MYOM1: variants seen among roughly 807,000 people sequenced by gnomAD.
MYOM1 encodes the protein myomesin 1, also known as myomesin-1.
MYOM1 carries 164 observed loss-of-function variants against 205.3 expected under a neutral mutation model. That is an observed-to-expected ratio of 0.80 (90% CI 0.70 to 0.91). The LOEUF is 0.91. Among genes scored for constraint, MYOM1 ranks in the 40% least tolerant of loss-of-function variants. The probability of loss-of-function intolerance (pLI) is 0.00; values close to 1 mark genes in which losing one functional copy is unlikely to be tolerated. For synonymous variants in MYOM1, 772 were observed against 789.4 expected (o/e 0.98, Z 0.37); for missense variants, 2,011 against 2,127.3 (o/e 0.95, Z 1.08).
chr18:3,162,448 G>T (rs927552970), intron 10 of MYOM1, among the ~76,000 whole-genome samples: 1 of 152,098 alleles, frequency 6.6e-6, no homozygotes, highest in Non-Finnish European at 1.5e-5. Flanking sequence ...CCAATAAAGG[G>T]CTTGGTCTAG....
At chr18:3,237,871 G>T in the MYOM1 span, among the ~76,000 whole-genome samples, 1 of 152,084 alleles carries the variant, frequency 6.6e-6, no homozygotes, top group Non-Finnish European at 1.5e-5. Context: ...GCTGGATGGT[G>T]GTGATGCATA....
chr18:3,087,189 C>T (rs531205957), intron 29 of MYOM1, among the ~76,000 whole-genome samples: 10 of 152,148 alleles, frequency 6.6e-5, no homozygotes, highest in Non-Finnish European at 1.3e-4. Context: ...AAATGCACTC[C>T]GCAGCTTTGG....
chr18:3,169,382 T>C (rs1219142623), intron 8 of MYOM1, among the ~76,000 whole-genome samples: 2 of 152,306 alleles, frequency 1.3e-5, no homozygotes, highest in East Asian at 1.9e-4. Flanking sequence ...GCCATATCCA[T>C]TATTCATAAA....
At chr18:3,178,209 C>G (rs2080677208) in intron 5 of MYOM1, among the ~76,000 whole-genome samples, 1 of 152,228 alleles carries the variant, frequency 6.6e-6, no homozygotes, top group Admixed American at 6.5e-5. Flanking sequence ...AGAGAATTGA[C>G]TATGAGCCAG....
chr18:3,129,685 T>C, intron 17 of MYOM1, 166 bp from the exon 18 acceptor site: 2 of 624,104 alleles, frequency 3.2e-6, no homozygotes, highest in Non-Finnish European at 5.2e-6. Context: ...AAGACTACAT[T>C]TCACACAATA....
At chr18:3,159,821 G>C (rs955034254) in intron 10 of MYOM1, among the ~76,000 whole-genome samples, 1 of 152,258 alleles carries the variant, frequency 6.6e-6, no homozygotes, top group East Asian at 1.9e-4. Flanking sequence ...CTGGTTATGG[G>C]AGAGGGAAAT....
chr18:3,137,062 T>G (rs1005753324), intron 14 of MYOM1, among the ~76,000 whole-genome samples: 1 of 151,876 alleles, frequency 6.6e-6, no homozygotes, highest in South Asian at 2.1e-4. Context: ...GCCATTCTCC[T>G]GCCTCAGCCT....
chr18:3,102,376 C>T, intron 23 of MYOM1, 98 bp downstream of exon 23: 1 of 1,163,240 alleles, frequency 8.6e-7, no homozygotes, highest in Non-Finnish European at 1.2e-6. Context: ...TAAGTGACTT[C>T]ATCCTCTTAT....
rs2079195479 is a variant in MYOM1 at position 3,089,590 on chromosome 18, T to C, written c.4016A>G (p.Lys1339Arg). The change falls in exon 28 of 38, where the codon AAA becomes AGA. Residue 1339 changes from lysine to arginine, a missense_variant. Coordinates refer to ENST00000356443, the MANE Select transcript of MYOM1 (RefSeq NM_003803.4). ...GAATTCAGCTTCTTTCTGGAGCTTT[T>C]TGAAAACTACAAATTGAAAAACAAG... The part of the protein sequence containing the change: ...STVVLVGDVF[K>R]KLQKEAEFQR... The C allele has an allele frequency of 1.9e-6, 3 of 1,606,712 alleles. No individual in the cohort carries two copies. The highest frequency in any genetic ancestry group is 2.6e-6 in the Non-Finnish European group (3 of 1,176,412).
rs200664053 is a variant in MYOM1 at position 3,156,609 on chromosome 18, T to TTTC, written c.1502-1522_1502-1521insGAA. 7.3e-3 allele frequency among the ~76,000 whole-genome samples: 977 copies of TTTC among 133,946 alleles called. 9 individuals carry two copies. The highest frequency in any genetic ancestry group is 0.028 in the African/African-American group (917 of 32,944). The allele number at this position is 133,946 out of a possible 152,430, so 87.9% of individuals were successfully genotyped here. On this transcript the variant is annotated intron_variant, in intron 10 of 37. Transcript: ENST00000356443. The stretch of plus-strand genomic sequence containing the variant: ...ATTTTGATGAGGAGACACTTCTTTC[T>TTTC]TTTTTTTTTTTTTTGAGACAGAGTC...
intron 2 of MYOM1, among the ~76,000 whole-genome samples, chr18:3,196,514 G>GT (rs1454911477): frequency 6.6e-6 from 1 of 152,150 alleles, no homozygotes; most frequent in Non-Finnish European, 1.5e-5. Flanking sequence ...TACATGTAGT[G>GT]TTTTTTAATG....
chr18:3,239,936 T>A, the MYOM1 span, among the ~76,000 whole-genome samples: 59 of 152,078 alleles, frequency 3.9e-4, no homozygotes, highest in Admixed American at 1.8e-3. Context: ...TTAGTCAGAG[T>A]AGTAAATTTC....
In MYOM1 at chr18:3,149,142, T is replaced by G. The variant is rs77613865; in HGVS notation, c.1900+3A>C. The G allele has an allele frequency of 2.1e-3, 3,322 of 1,613,738 alleles. 51 individuals are homozygous for G. The highest frequency in any genetic ancestry group is 0.018 in the South Asian group (1,620 of 90,988). ...TAGTATCTGGGGCAACCAGACTTCT[T>G]ACCTGAAGGTTCCTCTTCAGTAACA... On this transcript the variant is annotated splice_donor_region_variant and intron_variant, in intron 13 of 37. Transcript: ENST00000356443.
the MYOM1 span, among the ~76,000 whole-genome samples, chr18:3,242,478 CT>C: frequency 6.6e-6 from 1 of 152,176 alleles, no homozygotes; most frequent in Admixed American, 6.5e-5. Context: ...CATTAAACCT[CT>C]TTCTTTTGTA....
At chr18:3,243,284 T>G in the MYOM1 span, among the ~76,000 whole-genome samples, 1 of 152,244 alleles carries the variant, frequency 6.6e-6, no homozygotes, top group Non-Finnish European at 1.5e-5. Flanking sequence ...ATATTTCATG[T>G]ATGAAGAATT....
chr18:3,108,208 G>C (rs2079476937), intron 22 of MYOM1, among the ~76,000 whole-genome samples: 1 of 152,152 alleles, frequency 6.6e-6, no homozygotes, highest in Non-Finnish European at 1.5e-5. Context: ...CTGGCCTCAG[G>C]TCAATTAAAT....
intron 2 of MYOM1, among the ~76,000 whole-genome samples, chr18:3,211,429 T>G (rs1186726998): frequency 6.6e-6 from 1 of 152,120 alleles, no homozygotes; most frequent in African/African-American, 2.4e-5. Flanking sequence ...TCCAGAAAAA[T>G]TCTCATCTGT....
At chr18:3,240,439 G>A in the MYOM1 span, among the ~76,000 whole-genome samples, 1 of 152,132 alleles carries the variant, frequency 6.6e-6, no homozygotes, top group Non-Finnish European at 1.5e-5. Context: ...GAGATCTGAT[G>A]GTTTTAAAAA....
chr18:3,199,446 C>T (rs145511234), intron 2 of MYOM1, among the ~76,000 whole-genome samples: 1,799 of 152,250 alleles, frequency 0.012, 20 homozygotes, highest in Middle Eastern at 0.037. Context: ...TTGGAGAGGG[C>T]CAAGTTTTCC....
Sources: allele counts gnomAD v4.1 joint callset (sites outside exome capture counted in the v4.1 genomes callset), GRCh38; gene constraint gnomAD v4.1.1; transcripts MANE v1.5; gene names NCBI Gene and HGNC (gene_info 2026-07-23, HGNC 2026-07-21).